The following GTF2I variants were observed in gnomAD, a reference collection of about 807,000 sequenced individuals.
The protein encoded by GTF2I is general transcription factor IIi.
GTF2I carries 12 observed loss-of-function variants against 67.6 expected under a neutral mutation model. The ratio of observed to expected loss-of-function variants is 0.18; its 90% CI spans 0.11 to 0.29. The LOEUF is 0.29. Among genes scored for constraint, GTF2I ranks in the 10% least tolerant of loss-of-function variants. The pLI, the probability that GTF2I is intolerant of heterozygous loss-of-function variation, is 1.00. For synonymous variants in GTF2I, 149 were observed against 197.0 expected, an observed-to-expected ratio of 0.76 and a Z score of 2.04; for missense variants, 271 against 580.1, an observed-to-expected ratio of 0.47 and a Z score of 5.47.
intron 1 of GTF2I, among the ~76,000 whole-genome samples, chr7:74,667,113 C>G (rs1554388855): frequency 6.6e-6 from 1 of 152,168 alleles, no homozygotes; most frequent in Non-Finnish European, 1.5e-5. Flanking sequence ...CCATTCCACT[C>G]CAGCCTGGGC....
intron 9 of GTF2I, 44 bp downstream of exon 9, chr7:74,711,153 G>T: frequency 1.2e-6 from 1 of 849,812 alleles, no homozygotes; most frequent in East Asian, 2.9e-5. Context: ...AATTATTCGT[G>T]GTTAAAATTA....
chr7:74,673,458 T>C lies in GTF2I; in HGVS notation c.-6+15390T>C, dbSNP rs184594632. ...ATGGTGTGATCTGACCTCAGCTCAC[T>C]GCAACCTCTGCCCCTCAGGTTCAAG... is the stretch of plus-strand genomic sequence containing the variant. On this transcript the variant is annotated intron_variant, in intron 1 of 34. Coordinates refer to ENST00000573035, the MANE Select transcript of GTF2I (RefSeq NM_032999.4). Among the ~76,000 whole-genome samples the C allele has an allele frequency of 1.6e-3, 250 of 152,218 alleles. 1 individual carries two copies. Among genetic ancestry groups the C allele is most frequent in the Non-Finnish European group, 3.1e-3 (213 of 68,008 alleles).
chr7:74,720,118 A>C (rs1388589002), intron 12 of GTF2I, among the ~76,000 whole-genome samples: 4 of 152,336 alleles, frequency 2.6e-5, no homozygotes, highest in Non-Finnish European at 5.9e-5. Context: ...TTAGAGAAAT[A>C]ATTGCAGTAC....
At chr7:74,737,038 C>G (rs1794862873) in intron 18 of GTF2I, among the ~76,000 whole-genome samples, 1 of 146,256 alleles carries the variant, frequency 6.8e-6, no homozygotes, top group Non-Finnish European at 1.5e-5. Flanking sequence ...AGTAAAAATA[C>G]AAAAATTAGC....
At chr7:74,705,966 T>G (rs1217912455) in intron 7 of GTF2I, among the ~76,000 whole-genome samples, 4 of 152,156 alleles carry the variant, frequency 2.6e-5, no homozygotes, top group African/African-American at 9.7e-5. Flanking sequence ...CTCTTTTTTT[T>G]TGTGGAGACA....
chr7:74,684,995 A>C (rs1029228462), intron 1 of GTF2I: 1 of 152,060 alleles, frequency 6.6e-6, no homozygotes. Flanking sequence ...TCTGGGGTTT[A>C]ACTTTCTGGG....
intron 8 of GTF2I, among the ~76,000 whole-genome samples, chr7:74,709,678 A>ATT (rs782612069): frequency 4.2e-5 from 6 of 143,042 alleles, no homozygotes; most frequent in Admixed American, 7.0e-5. Flanking sequence ...TTCTTTCTTT[A>ATT]TTTTTTTTTT....
intron 1 of GTF2I, among the ~76,000 whole-genome samples, chr7:74,673,589 G>T (rs1202401580): frequency 6.6e-6 from 1 of 151,582 alleles, no homozygotes; most frequent in South Asian, 2.1e-4. Flanking sequence ...CTGTTAGTCA[G>T]GCTGGTCTCG....
intron 1 of GTF2I, among the ~76,000 whole-genome samples, chr7:74,688,636 T>TATA (rs2131283858): frequency 6.6e-6 from 1 of 152,278 alleles, no homozygotes; most frequent in East Asian, 1.9e-4. Context: ...TATGCTGTAT[T>TATA]ATAAAGAATC....
intron 8 of GTF2I, among the ~76,000 whole-genome samples, chr7:74,708,830 GC>G (rs1791126873): frequency 6.6e-6 from 1 of 152,122 alleles, no homozygotes; most frequent in South Asian, 2.1e-4. Flanking sequence ...ACCCTTCCCT[GC>G]ACATTTGACC....
chr7:74,692,609 A>G (rs1788432293), intron 3 of GTF2I, among the ~76,000 whole-genome samples: 1 of 152,204 alleles, frequency 6.6e-6, no homozygotes, highest in African/African-American at 2.4e-5. Context: ...CTTTCACAGT[A>G]TGACCATTTT....
intron 3 of GTF2I, among the ~76,000 whole-genome samples, chr7:74,696,146 TA>T (rs1286509822): frequency 6.6e-6 from 1 of 151,452 alleles, no homozygotes; most frequent in African/African-American, 2.4e-5. Context: ...CACACCTGGC[TA>T]ATTTTTGTAT....
intron 1 of GTF2I, among the ~76,000 whole-genome samples, chr7:74,678,359 T>G (rs1473679084): frequency 6.6e-6 from 1 of 152,170 alleles, no homozygotes; most frequent in Non-Finnish European, 1.5e-5. Context: ...TTCTCAGTTT[T>G]TATTCATCTA....
chr7:74,673,005 C>G (rs935109875), intron 1 of GTF2I, among the ~76,000 whole-genome samples: 1 of 152,020 alleles, frequency 6.6e-6, no homozygotes, highest in Non-Finnish European at 1.5e-5. Context: ...GGACTACAGG[C>G]GCGTGCCACC....
intron 8 of GTF2I, among the ~76,000 whole-genome samples, chr7:74,708,886 C>T (rs1284017106): frequency 1.3e-5 from 2 of 152,198 alleles, no homozygotes; most frequent in Admixed American, 1.3e-4. Flanking sequence ...AGAGATGCAA[C>T]TTTACTTCCT....
intron 12 of GTF2I, chr7:74,726,843 A>AGATAGATG (rs1793851195): frequency 7.2e-6 from 1 of 138,216 alleles, no homozygotes; most frequent in Admixed American, 7.7e-5. Flanking sequence ...ACAGATAGAT[A>AGATAGATG]GATAGATAGA....
chr7:74,660,455 G>A (rs1284517971), intron 1 of GTF2I, among the ~76,000 whole-genome samples: 1 of 152,090 alleles, frequency 6.6e-6, no homozygotes, highest in African/African-American at 2.4e-5. Context: ...GTCTCCGAAA[G>A]TGCTGGGATT....
intron 1 of GTF2I, among the ~76,000 whole-genome samples, chr7:74,668,341 G>A (rs185140960): frequency 1.1e-4 from 16 of 151,130 alleles, no homozygotes; most frequent in Non-Finnish European, 1.6e-4. Flanking sequence ...TTGTGTGTGT[G>A]TGTGTGTGTG....
intron 23 of GTF2I, among the ~76,000 whole-genome samples, chr7:74,747,792 CAA>C (rs4028287): frequency 2.3e-4 from 8 of 35,328 alleles, no homozygotes; most frequent in East Asian, 4.8e-3. Context: ...AACTTTGTCT[CAA>C]AAAAAAAAAA....
Sources: gnomAD v4.1 joint callset for allele counts (sites outside exome capture counted in the v4.1 genomes callset) on GRCh38, gnomAD v4.1.1 for gene constraint, MANE v1.5 for transcripts, NCBI Gene and HGNC (gene_info 2026-07-23, HGNC 2026-07-21) for gene names.